The following SCAF8 variants were observed in gnomAD, a reference collection of about 807,000 sequenced individuals.
The protein encoded by SCAF8 is SR-related and CTD-associated factor 8.
In SCAF8, 23 loss-of-function variants were observed where a neutral mutation model predicts 140.5. The ratio of observed to expected loss-of-function variants is 0.16; its 90% CI spans 0.12 to 0.23. The LOEUF is 0.23. Among genes scored for constraint, SCAF8 ranks in the 10% least tolerant of loss-of-function variants. SCAF8 has a pLI of 1.00. For synonymous variants in SCAF8, 575 were observed against 528.9 expected (o/e 1.09, Z -1.20); for missense variants, 1,397 against 1,555.7 (o/e 0.90, Z 1.72).
intron 1 of SCAF8, among the ~76,000 whole-genome samples, chr6:154,748,355 A>G (rs1477825407): frequency 1.3e-5 from 2 of 152,222 alleles, no homozygotes; most frequent in Non-Finnish European, 2.9e-5. Context: ...CGCTGTGGAT[A>G]TAGTTGCTTA....
chr6:154,741,969 C>G, intron 1 of SCAF8: 1 of 1,532,964 alleles, frequency 6.5e-7, no homozygotes, highest in Non-Finnish European at 8.7e-7. Context: ...TGTGCCTCTA[C>G]TCCTGCTTGT....
intron 1 of SCAF8, among the ~76,000 whole-genome samples, chr6:154,734,229 C>G (rs972293970): frequency 2.0e-5 from 3 of 152,192 alleles, no homozygotes; most frequent in Non-Finnish European, 4.4e-5. Flanking sequence ...CGGAGACTCC[C>G]GACAGGTCCC....
At chr6:154,745,401 T>C (rs1392612250) in intron 1 of SCAF8, among the ~76,000 whole-genome samples, 1 of 151,704 alleles carries the variant, frequency 6.6e-6, no homozygotes, top group Non-Finnish European at 1.5e-5. Flanking sequence ...TAGACAGGGA[T>C]CTTGCTCTGT....
chr6:154,792,918 G>A lies in SCAF8; in HGVS notation c.417G>A (p.Pro139=), dbSNP rs373814767. 53 of 1,613,600 alleles carry A rather than the reference G, an allele frequency of 3.3e-5. No individual in the cohort carries two copies. The East Asian group carries it at 3.6e-4, about 11-fold the overall frequency. Reference sequence around the variant, plus strand: ...TTTTGGATATGGCAGCCGGGATTCCGCCTCCAGTTGTCACACCTGTTTTGG... The same window carrying A: ...TTTTGGATATGGCAGCCGGGATTCCACCTCCAGTTGTCACACCTGTTTTGG... ...QPLLDMAAGI[P]PPVVTPVLAS... is the part of the protein sequence containing the mutation. Residue 139 remains proline, a synonymous_variant, in exon 5 of 20, where the codon CCG becomes CCA. Coordinates refer to ENST00000367178, the MANE Select transcript of SCAF8 (RefSeq NM_014892.5).
At chr6:154,771,691 C>G (rs1427497171) in intron 1 of SCAF8, among the ~76,000 whole-genome samples, 1 of 152,062 alleles carries the variant, frequency 6.6e-6, no homozygotes, top group Non-Finnish European at 1.5e-5. Context: ...GCATTGGGTA[C>G]TCATGGACAT....
chr6:154,771,916 C>T (rs1031727504), intron 1 of SCAF8, among the ~76,000 whole-genome samples: 1 of 152,106 alleles, frequency 6.6e-6, no homozygotes, highest in East Asian at 1.9e-4. Flanking sequence ...TAGCTCTAAA[C>T]ATGGTAGGGA....
Position 154,802,076 on chromosome 6 carries a change from G to T in SCAF8, c.712G>T (p.Ala238Ser), listed in dbSNP as rs1478134164. Residue 238 changes from alanine to serine, a missense_variant, in exon 7 of 20, where the codon GCA (alanine) becomes TCA (serine). Coordinates refer to ENST00000367178, the MANE Select transcript of SCAF8 (RefSeq NM_014892.5). The part of the protein sequence containing the change: ...GLVVQLQALT[A>S]QLTAAAAAAN... ...TGTTGTTCAGTTGCAAGCTCTTACG[G>T]CACAACTTACAGCTGCAGCTGCAGC... 6.2e-7 allele frequency: 1 copy of T among 1,613,028 alleles called. No individual in the cohort carries two copies. Among genetic ancestry groups the T allele is most frequent in the East Asian group, 2.2e-5 (1 of 44,806 alleles).
Position 154,733,445 on chromosome 6 carries a change from C to T in SCAF8, c.-456C>T. On this transcript the variant is annotated 5_prime_UTR_variant, in exon 1 of 20. Coordinates refer to ENST00000367178, the MANE Select transcript of SCAF8 (RefSeq NM_014892.5). Reference sequence around the variant, plus strand: ...TGGATGCCGCAGCCGCTGCTGCCAGCGCTTCCTCCTCTGTCTTCGCCGAGC... The same window carrying T: ...TGGATGCCGCAGCCGCTGCTGCCAGTGCTTCCTCCTCTGTCTTCGCCGAGC... 2.2e-6 allele frequency: 3 copies of T among 1,393,880 alleles called. No individual in the cohort carries two copies. Among genetic ancestry groups the T allele is most frequent in the Non-Finnish European group, 1.9e-6 (2 of 1,073,414 alleles). The allele number at this position is 1,393,880 out of a possible 1,614,324, so 86.3% of individuals were successfully genotyped here. A position where few individuals can be genotyped will look rare whatever the true frequency, so the allele number is the denominator to read the frequency against.
chr6:154,768,601 ATGTT>A (rs1776648959), intron 1 of SCAF8, among the ~76,000 whole-genome samples: 1 of 152,182 alleles, frequency 6.6e-6, no homozygotes, highest in Non-Finnish European at 1.5e-5. Flanking sequence ...GGCGCTATGT[ATGTT>A]TGTAAATGAT....
In SCAF8 at chr6:154,784,142, TATATATATATATA is replaced by T. The variant is rs1562444149; in HGVS notation, c.160-3718_160-3706del. On this transcript the variant is annotated intron_variant, in intron 3 of 19. Transcript: ENST00000367178. ...TGAGATATATATATATATATATATA[TATATATATATATA>T]TATTTATTTATTTATTTTTCATGTA... Among the ~76,000 whole-genome samples the T allele has an allele frequency of 3.3e-3, 297 of 89,272 alleles. 4 individuals are homozygous for T. The highest frequency in any genetic ancestry group is 0.013 in the African/African-American group (251 of 19,208). 58.6% of individuals were successfully genotyped at this position (89,272 alleles called of 152,430 possible). A position where few individuals can be genotyped will look rare whatever the true frequency, so the allele number is the denominator to read the frequency against.
At chr6:154,737,893 T>C (rs1474311289) in intron 1 of SCAF8, among the ~76,000 whole-genome samples, 1 of 152,182 alleles carries the variant, frequency 6.6e-6, no homozygotes, top group Non-Finnish European at 1.5e-5. Flanking sequence ...AAATTAAATG[T>C]TTAAAATACA....
At position 154,822,427 on chromosome 6, in the gene SCAF8, GTTTT is replaced by G; in HGVS notation, c.1926+25_1926+28del. On this transcript the variant is annotated intron_variant, in intron 16 of 19. Coordinates refer to ENST00000367178, the MANE Select transcript of SCAF8 (RefSeq NM_014892.5). ...TGTTGCAGGTTAGTGTTGAAGTGGG[GTTTT>G]TTTTTTCTTGTGTTGTTTTACATTT... The G allele has an allele frequency of 7.0e-7, 1 of 1,436,266 alleles. No individual in the cohort carries two copies. Among genetic ancestry groups the G allele is most frequent in the East Asian group, 2.5e-5 (1 of 39,236 alleles). The allele number at this position is 1,436,266 out of a possible 1,614,324, so 89.0% of individuals were successfully genotyped here.
chr6:154,811,246 A>G (rs777792170), intron 12 of SCAF8, among the ~76,000 whole-genome samples: 63 of 152,266 alleles, frequency 4.1e-4, no homozygotes, highest in Non-Finnish European at 7.5e-4. Flanking sequence ...AACCACAAAA[A>G]TCTCTACTGT....
rs572952187 is a variant in SCAF8, at chr6:154,759,849, A to G, written c.31-14140A>G. ...CCCGGCTAATTTTTTTGTATTTTTT[A>G]GTAGAGATGGGGTTTCACCGTGATC... On this transcript the variant is annotated intron_variant, in intron 1 of 19. Transcript: ENST00000367178. 2.0e-3 allele frequency among the ~76,000 whole-genome samples: 302 copies of G among 151,974 alleles called. 1 individual carries two copies. The highest frequency in any genetic ancestry group is 6.8e-3 in the African/African-American group (282 of 41,502).
chr6:154,763,738 T>A (rs1776469889), intron 1 of SCAF8, among the ~76,000 whole-genome samples: 1 of 151,860 alleles, frequency 6.6e-6, no homozygotes, highest in South Asian at 2.1e-4. Flanking sequence ...ATTGCAGTGT[T>A]TATCAAAAAA....
intron 14 of SCAF8, among the ~76,000 whole-genome samples, chr6:154,819,739 A>G (rs981868656): frequency 6.6e-6 from 1 of 152,196 alleles, no homozygotes; most frequent in African/African-American, 2.4e-5. Context: ...TACTATGTCT[A>G]ATGTAAGTTT....
At chr6:154,775,136 C>T (rs1407412263) in intron 2 of SCAF8, among the ~76,000 whole-genome samples, 1 of 152,138 alleles carries the variant, frequency 6.6e-6, no homozygotes, top group African/African-American at 2.4e-5. Flanking sequence ...GGTGAAAATT[C>T]AGATGATTCG....
At chr6:154,806,728 T>C (rs1352591630) in intron 9 of SCAF8, among the ~76,000 whole-genome samples, 1 of 152,178 alleles carries the variant, frequency 6.6e-6, no homozygotes, top group Non-Finnish European at 1.5e-5. Flanking sequence ...GCATTGGAAC[T>C]CATGCCTAGA....
intron 1 of SCAF8, among the ~76,000 whole-genome samples, chr6:154,766,877 G>T (rs1776587289): frequency 6.6e-6 from 1 of 151,798 alleles, no homozygotes; most frequent in African/African-American, 2.4e-5. Flanking sequence ...ATGTTCTATT[G>T]GGGTTCTCTT....
Sources: allele counts gnomAD v4.1 joint callset (sites outside exome capture counted in the v4.1 genomes callset), GRCh38; gene constraint gnomAD v4.1.1; transcripts MANE v1.5; gene names NCBI Gene and HGNC (gene_info 2026-07-23, HGNC 2026-07-21).